The following KDR variants were observed in gnomAD, a reference collection of about 807,000 sequenced individuals.
The protein encoded by KDR is vascular endothelial growth factor receptor 2.
KDR carries 43 observed loss-of-function variants against 160.9 expected under a neutral mutation model. The observed-to-expected ratio is 0.27, with a 90% CI of 0.21 to 0.34. The LOEUF is 0.34. Ranked by LOEUF, KDR falls within the 10% of genes least tolerant of loss-of-function variation. KDR has a pLI of 1.00. For synonymous variants in KDR, 617 were observed against 600.1 expected (o/e 1.03, Z -0.41); for missense variants, 1,469 against 1,666.4 (o/e 0.88, Z 2.06).
intron 15 of KDR, among the ~76,000 whole-genome samples, chr4:55,099,675 A>G (rs370361707): frequency 2.0e-4 from 31 of 152,318 alleles, no homozygotes; most frequent in African/African-American, 7.2e-4. Context: ...CATCACTTTA[A>G]ATATGCCATT....
intron 29 of KDR, among the ~76,000 whole-genome samples, chr4:55,081,611 CAG>C (rs1417018410): frequency 6.6e-6 from 1 of 152,152 alleles, no homozygotes; most frequent in East Asian, 1.9e-4. Flanking sequence ...AAAAATTCTT[CAG>C]AGTCCACAAA....
chr4:55,121,238 T>A, intron 1 of KDR, 48 bp from the exon 2 acceptor site: 1 of 1,348,820 alleles, frequency 7.4e-7, no homozygotes. Context: ...GAGTTAGACC[T>A]AATAGGAAAC....
intron 15 of KDR, among the ~76,000 whole-genome samples, chr4:55,099,126 C>T (rs1320665531): frequency 1.3e-5 from 2 of 151,872 alleles, no homozygotes; most frequent in Non-Finnish European, 2.9e-5. Flanking sequence ...AGCGATTCTC[C>T]CCCCTCAGCC....
intron 28 of KDR, among the ~76,000 whole-genome samples, 160 bp from the exon 29 acceptor site, chr4:55,082,201 G>A (rs902281702): frequency 6.6e-6 from 1 of 152,160 alleles, no homozygotes; most frequent in African/African-American, 2.4e-5. Context: ...GCTACAAAAG[G>A]AAGCAACTGC....
chr4:55,114,388 T>C, intron 5 of KDR, 123 bp from the exon 6 acceptor site: 1 of 992,426 alleles, frequency 1.0e-6, no homozygotes, highest in Non-Finnish European at 1.5e-6. Context: ...CCTGCAGGCC[T>C]CACCAATACT....
In KDR at chr4:55,104,659, C is replaced by A. The variant is rs1198699406; in HGVS notation, c.1971G>T (p.Arg657Ser). Residue 657 changes from arginine (R) to serine (S), a missense_variant, in exon 13 of 30, where the codon AGG becomes AGT. By Grantham distance (110) the Arg-to-Ser change is moderately radical. Around this residue, in one of 7 missense-constraint regions of KDR, gnomAD observed 792 missense variants for 840.9 expected, o/e 0.94. Coordinates refer to ENST00000263923, the MANE Select transcript of KDR (RefSeq NM_002253.4). ...RKTKKRHCVV[R>S]QLTVLERVAP... ...TCTCCCTACCTAGGACTGTGAGCTG[C>A]CTGACCACGCAATGTCTTTTCTTGG... The A allele has an allele frequency of 6.2e-7, 1 of 1,613,510 alleles. No individual in the cohort carries two copies. The highest frequency in any genetic ancestry group is 1.1e-5 in the South Asian group (1 of 91,040).
Position 55,118,768 on chromosome 4 carries a change from T to C in KDR, c.194A>G (p.Asn65Ser), listed in dbSNP as rs772825269. 4 of 1,614,206 alleles carry C rather than the reference T, an allele frequency of 2.5e-6. No individual in the cohort carries two copies. Among genetic ancestry groups the C allele is most frequent in the Admixed American group, 1.7e-5 (1 of 60,018 alleles). Residue 65 changes from asparagine to serine, a missense_variant, in exon 3 of 30, where the codon AAT (asparagine) becomes AGT (serine). Around this residue, in one of 7 missense-constraint regions of KDR, gnomAD observed 792 missense variants for 840.9 expected, o/e 0.94. Transcript: ENST00000263923. ...CCTTTGCTCACTGCCACTCTGATTATTGGGCCAAAGCCAGTCCAAGTCCCT... is the reference window on the plus strand; with the variant it reads ...CCTTTGCTCACTGCCACTCTGATTACTGGGCCAAAGCCAGTCCAAGTCCCT... ...GQRDLDWLWP[N>S]NQSGSEQRVE... is the part of the protein sequence containing the mutation.
At position 55,079,590 on chromosome 4, in the gene KDR, A is replaced by C. The variant is rs1719676844; in HGVS notation, c.*351T>G. 1 of 405,968 alleles carries C rather than the reference A, an allele frequency of 2.5e-6. No homozygotes were observed. The highest frequency in any genetic ancestry group is 4.6e-6 in the Non-Finnish European group (1 of 218,716). The allele number at this position is 405,968 out of a possible 1,614,324, so 25.1% of individuals were successfully genotyped here. ...CTGGTTTATCTTCTAGTTTTACAGAAGTGTCAGCTCCCCAGGTACTGCTAC... is the reference window on the plus strand; with the variant it reads ...CTGGTTTATCTTCTAGTTTTACAGACGTGTCAGCTCCCCAGGTACTGCTAC... On this transcript the variant is annotated 3_prime_UTR_variant, in exon 30 of 30. Coordinates refer to ENST00000263923, the MANE Select transcript of KDR (RefSeq NM_002253.4).
rs370427694 is a variant in KDR at position 55,080,061 on chromosome 4, G to T, written c.3951C>A (p.Thr1317=). ...GTTCTGCTTCCTCACTGGAGTACAC[G>T]GTGGTGTCTGTGTCATCGGAGTGAT... is the stretch of plus-strand genomic sequence containing the variant. The part of the protein sequence containing the change: ...SGYHSDDTDT[T]VYSSEEAELL... The change falls in exon 30 of 30, where the codon ACC becomes ACA. Residue 1317 remains threonine, a synonymous_variant. Transcript: ENST00000263923. The T allele has an allele frequency of 6.2e-7, 1 of 1,614,102 alleles. No individual in the cohort carries two copies. The highest frequency in any genetic ancestry group is 1.3e-5 in the African/African-American group (1 of 75,034).
chr4:55,099,099 TC>T (rs1313822207), intron 15 of KDR, among the ~76,000 whole-genome samples: 1 of 151,928 alleles, frequency 6.6e-6, no homozygotes, highest in Non-Finnish European at 1.5e-5. Context: ...TATTGCAGCC[TC>T]CAATTCCTAG....
rs755460230 is a variant in KDR at position 55,125,246 on chromosome 4, C to G, written c.48G>C (p.Glu16Asp). The G allele has an allele frequency of 3.5e-5, 56 of 1,612,842 alleles. No individual in the cohort carries two copies. The highest frequency in any genetic ancestry group is 6.7e-5 in the African/African-American group (5 of 74,930). ...LLAVALWLCV[E>D]TRAASVGLPS... ...CCTTACCCACAGAGGCGGCCCGGGT[C>G]TCCACGCAGAGCCACAGGGCGACGG... Residue 16 changes from glutamate (E) to aspartate (D), a missense_variant, in exon 1 of 30, where the codon GAG (glutamate) becomes GAC (aspartate). Physicochemically the swap from Glu to Asp is conservative, Grantham distance 45 (BLOSUM62 2). Around this residue, in one of 7 missense-constraint regions of KDR, gnomAD observed 792 missense variants for 840.9 expected, o/e 0.94. Transcript: ENST00000263923.
At chr4:55,097,340 T>C (rs141947744) in intron 18 of KDR, among the ~76,000 whole-genome samples, 1 of 152,088 alleles carries the variant, frequency 6.6e-6, no homozygotes, top group Non-Finnish European at 1.5e-5. Flanking sequence ...CACAATATAT[T>C]AAGAAACAAT....
chr4:55,107,360 T>C (rs1161336112), intron 10 of KDR, among the ~76,000 whole-genome samples: 1 of 152,126 alleles, frequency 6.6e-6, no homozygotes, highest in African/African-American at 2.4e-5. Flanking sequence ...CTGCCTCTCA[T>C]CTATCAGCAT....
chr4:55,108,087 A>T (rs576575504), intron 9 of KDR, among the ~76,000 whole-genome samples, 194 bp from the exon 10 acceptor site: 1 of 151,944 alleles, frequency 6.6e-6, no homozygotes, highest in South Asian at 2.1e-4. Context: ...CTAGCCAGGC[A>T]TGGGGGCTTA....
At chr4:55,116,047 T>C (rs1337307400) in intron 3 of KDR, among the ~76,000 whole-genome samples, 1 of 152,184 alleles carries the variant, frequency 6.6e-6, no homozygotes, top group African/African-American at 2.4e-5. Flanking sequence ...TTGCATTTAG[T>C]TTAACATTTA....
Position 55,125,502 on chromosome 4 carries a change from C to G in KDR, c.-209G>C. On this transcript the variant is annotated 5_prime_UTR_variant, in exon 1 of 30. Transcript: ENST00000263923. Reference sequence around the variant, plus strand: ...AGGAGAGGATATCCAGGCTGCCAGACGGACTTTCTGCGGCGCGCAAGTGAT... The same window carrying G: ...AGGAGAGGATATCCAGGCTGCCAGAGGGACTTTCTGCGGCGCGCAAGTGAT... 1.6e-6 allele frequency: 1 copy of G among 620,394 alleles called. No homozygotes were observed. The highest frequency in any genetic ancestry group is 1.9e-5 in the South Asian group (1 of 51,890). 38.4% of individuals were successfully genotyped at this position (620,394 alleles called of 1,614,324 possible). A position where few individuals can be genotyped will look rare whatever the true frequency, so the allele number is the denominator to read the frequency against.
At position 55,089,731 on chromosome 4, in the gene KDR, G is replaced by A. The variant is rs139806698; in HGVS notation, c.3264C>T (p.Val1088=). The change falls in exon 24 of 30, where the codon GTC becomes GTT. Residue 1088 remains valine, a synonymous_variant. Coordinates refer to ENST00000263923, the MANE Select transcript of KDR (RefSeq NM_002253.4). ...FDRVYTIQSD[V]WSFGVLLWEI... ...CCCACAGCAAAACACCAAAAGACCA[G>A]ACGTCACTCTGGATTGTGTACACTC... 6.2e-7 allele frequency: 1 copy of A among 1,613,912 alleles called. No individual in the cohort carries two copies. Among genetic ancestry groups the A allele is most frequent in the African/African-American group, 1.3e-5 (1 of 74,870 alleles).
intron 9 of KDR, among the ~76,000 whole-genome samples, chr4:55,109,319 G>C (rs1720517326): frequency 6.6e-6 from 1 of 152,102 alleles, no homozygotes; most frequent in East Asian, 1.9e-4. Flanking sequence ...CTGACCTCAG[G>C]TGATCCATCC....
chr4:55,125,563 A>T lies in KDR; in HGVS notation c.-270T>A. On this transcript the variant is annotated 5_prime_UTR_variant, in exon 1 of 30. It removes an upstream start codon present in the reference 5' UTR. Transcript: ENST00000263923. ...GGCAGAGGAAACGCAGCGACCACAC[A>T]TTGACCGCTCTCCCGGGGTCCCGGG... 1.7e-6 allele frequency: 1 copy of T among 585,580 alleles called. No homozygotes were observed. The highest frequency in any genetic ancestry group is 3.1e-6 in the Non-Finnish European group (1 of 327,222). The allele number at this position is 585,580 out of a possible 1,614,324, so 36.3% of individuals were successfully genotyped here.
Sources: allele counts gnomAD v4.1 joint callset (sites outside exome capture counted in the v4.1 genomes callset), GRCh38; gene constraint gnomAD v4.1.1; regional missense constraint gnomAD v4.1.1; transcripts MANE v1.5; gene names NCBI Gene and HGNC (gene_info 2026-07-23, HGNC 2026-07-21).